Variants in CNTN4 observed in about 807,000 individuals in gnomAD.
The protein encoded by CNTN4 is contactin-4.
A neutral mutation model predicts 122.5 loss-of-function variants in CNTN4; 77 were observed. The ratio of observed to expected loss-of-function variants is 0.63; its 90% CI spans 0.52 to 0.76. The LOEUF is 0.76. CNTN4 is among the 30% of genes least tolerant of loss of function. CNTN4 has a pLI of 0.00. For missense variants in CNTN4, 1,256 were observed against 1,259.1 expected (o/e 1.00, Z 0.04); for synonymous variants, 512 against 447.0 (o/e 1.15, Z -1.83).
intron 2 of CNTN4, among the ~76,000 whole-genome samples, chr3:2,181,871 G>A (rs2037032371): frequency 1.3e-5 from 2 of 152,224 alleles, no homozygotes; most frequent in Non-Finnish European, 1.5e-5. Context: ...ATTTGCATAT[G>A]TAAAGTATAA....
chr3:2,862,398 C>G (rs2093680269), intron 7 of CNTN4, among the ~76,000 whole-genome samples: 1 of 152,078 alleles, frequency 6.6e-6, no homozygotes. Flanking sequence ...AAAAAAGAAC[C>G]AATTAAGTGA....
At chr3:2,980,424 T>C (rs1693850236) in intron 13 of CNTN4, among the ~76,000 whole-genome samples, 1 of 128,978 alleles carries the variant, frequency 7.8e-6, no homozygotes, top group South Asian at 2.2e-4. Context: ...CTTTTCATCT[T>C]ACTCCATCAC....
chr3:2,194,338 G>C (rs2037736743), intron 2 of CNTN4, among the ~76,000 whole-genome samples: 2 of 151,970 alleles, frequency 1.3e-5, no homozygotes. Context: ...GTGTGCTCCT[G>C]TAGTCCCAGC....
chr3:2,476,889 G>A (rs1004875898), intron 3 of CNTN4, among the ~76,000 whole-genome samples: 1 of 151,948 alleles, frequency 6.6e-6, no homozygotes, highest in Non-Finnish European at 1.5e-5. Context: ...AGTCTTTATT[G>A]TTCATATAAC....
intron 3 of CNTN4, among the ~76,000 whole-genome samples, chr3:2,358,764 A>G (rs994103299): frequency 6.6e-6 from 1 of 152,212 alleles, no homozygotes; most frequent in South Asian, 2.1e-4. Context: ...TTGGTTATAT[A>G]TAATGAACTA....
intron 3 of CNTN4, among the ~76,000 whole-genome samples, chr3:2,510,844 G>C (rs1234844354): frequency 6.6e-6 from 1 of 152,076 alleles, no homozygotes; most frequent in Non-Finnish European, 1.5e-5. Context: ...GTAAGGAGGA[G>C]TGTTCTTACA....
intron 13 of CNTN4, among the ~76,000 whole-genome samples, chr3:2,953,870 A>C (rs115620133): frequency 6.6e-6 from 1 of 152,212 alleles, no homozygotes; most frequent in South Asian, 2.1e-4. Flanking sequence ...CGATTCATTC[A>C]TTCAAATATT....
chr3:2,718,493 A>G (rs9310832), intron 4 of CNTN4, among the ~76,000 whole-genome samples: 26,151 of 152,064 alleles, frequency 0.17, 2,362 homozygotes, highest in African/African-American at 0.21. Flanking sequence ...CAAAGGTTTG[A>G]TAAAGAATGG....
chr3:2,694,038 A>T (rs1456356135), intron 4 of CNTN4, among the ~76,000 whole-genome samples: 2 of 151,952 alleles, frequency 1.3e-5, no homozygotes, highest in South Asian at 2.1e-4. Context: ...TACATCTTAT[A>T]CTCAAATTAT....
chr3:2,357,984 A>G (rs539434060), intron 3 of CNTN4, among the ~76,000 whole-genome samples: 15 of 152,232 alleles, frequency 9.9e-5, no homozygotes, highest in Non-Finnish European at 2.1e-4. Context: ...TGTGAATTCT[A>G]CACTTATCGT....
intron 5 of CNTN4, among the ~76,000 whole-genome samples, chr3:2,738,266 A>G (rs2089259755): frequency 6.6e-6 from 1 of 152,250 alleles, no homozygotes. Context: ...AATACAGATG[A>G]CATTCAAAGA....
intron 6 of CNTN4, among the ~76,000 whole-genome samples, chr3:2,783,968 C>G (rs1331444151): frequency 6.6e-6 from 1 of 152,194 alleles, no homozygotes; most frequent in Non-Finnish European, 1.5e-5. Context: ...TCAATATACT[C>G]TTTTATTAAC....
At chr3:2,291,252 A>C (rs1177821607) in intron 2 of CNTN4, among the ~76,000 whole-genome samples, 2 of 152,178 alleles carry the variant, frequency 1.3e-5, no homozygotes, top group Non-Finnish European at 2.9e-5. Flanking sequence ...GTTCGTCCCC[A>C]GTGCTAAGTA....
intron 2 of CNTN4, among the ~76,000 whole-genome samples, chr3:2,285,277 A>G (rs868520620): frequency 6.6e-6 from 1 of 152,086 alleles, no homozygotes; most frequent in Non-Finnish European, 1.5e-5. Flanking sequence ...AAAAATTTGA[A>G]TAGGATTTAA....
At chr3:2,412,147 AG>A (rs1459891916) in intron 3 of CNTN4, among the ~76,000 whole-genome samples, 1 of 152,170 alleles carries the variant, frequency 6.6e-6, no homozygotes, top group Admixed American at 6.5e-5. Flanking sequence ...TCCATGTATC[AG>A]GAGTGTGTTC....
intron 2 of CNTN4, among the ~76,000 whole-genome samples, chr3:2,267,018 G>A (rs1414026085): frequency 6.6e-6 from 1 of 151,892 alleles, no homozygotes; most frequent in South Asian, 2.1e-4. Flanking sequence ...GCATTTTTTG[G>A]CATAGTTATG....
intron 3 of CNTN4, among the ~76,000 whole-genome samples, chr3:2,488,104 G>C (rs1026960897): frequency 6.6e-6 from 1 of 152,014 alleles, no homozygotes; most frequent in Non-Finnish European, 1.5e-5. Context: ...TTACTTCCTT[G>C]GGCATTAGCC....
intron 2 of CNTN4, among the ~76,000 whole-genome samples, chr3:2,139,271 A>G (rs537829506): frequency 2.0e-5 from 3 of 152,232 alleles, no homozygotes; most frequent in Non-Finnish European, 2.9e-5. Flanking sequence ...AAACAAATGA[A>G]TAAGAATTTA....
At chr3:2,642,199 C>T (rs1488114609) in intron 4 of CNTN4, among the ~76,000 whole-genome samples, 1 of 152,180 alleles carries the variant, frequency 6.6e-6, no homozygotes, top group Non-Finnish European at 1.5e-5. Context: ...AAGAGTAGAA[C>T]TTGCAGTACA....
Sources: allele counts gnomAD v4.1 joint callset (sites outside exome capture counted in the v4.1 genomes callset), GRCh38; gene constraint gnomAD v4.1.1; transcripts MANE v1.5; gene names NCBI Gene and HGNC (gene_info 2026-07-23, HGNC 2026-07-21).